UNC5D: variants seen among roughly 807,000 people sequenced by gnomAD.
UNC5D encodes the protein netrin receptor UNC5D.
Under a neutral mutation model 105.4 loss-of-function variants are expected in UNC5D, and 39 were observed. That is an observed-to-expected ratio of 0.37 (90% CI 0.29 to 0.48). The LOEUF (loss-of-function observed/expected upper bound fraction) is 0.48. Among genes scored for constraint, UNC5D ranks in the 20% least tolerant of loss-of-function variants. The pLI, the probability that UNC5D is intolerant of heterozygous loss-of-function variation, is 0.98. For missense variants in UNC5D, 991 were observed against 1,202.4 expected (o/e 0.82, Z 2.60); for synonymous variants, 452 against 450.4 (o/e 1.00, Z -0.04).
chr8:35,344,367 G>A (rs1811660420), intron 1 of UNC5D, among the ~76,000 whole-genome samples: 1 of 151,984 alleles, frequency 6.6e-6, no homozygotes, highest in African/African-American at 2.4e-5. Context: ...ATTCTGCTGG[G>A]AGAGAATTTA....
intron 11 of UNC5D, among the ~76,000 whole-genome samples, chr8:35,744,147 A>G (rs1049555766): frequency 1.3e-5 from 2 of 152,158 alleles, no homozygotes; most frequent in African/African-American, 4.8e-5. Flanking sequence ...GAGCTTGTCT[A>G]ATGGTTCCTT....
intron 1 of UNC5D, among the ~76,000 whole-genome samples, chr8:35,300,888 A>G (rs952263319): frequency 1.3e-5 from 2 of 152,180 alleles, no homozygotes; most frequent in Admixed American, 1.3e-4. Context: ...GTGGTGTTGG[A>G]TTGGGATGAG....
At chr8:35,732,322 T>C (rs1473596690) in intron 11 of UNC5D, among the ~76,000 whole-genome samples, 1 of 152,196 alleles carries the variant, frequency 6.6e-6, no homozygotes, top group African/African-American at 2.4e-5. Flanking sequence ...TGAGGCTGGC[T>C]CTTAGGGGAT....
At position 35,334,923 on chromosome 8, in the gene UNC5D, TTTCC is replaced by T. The variant is rs1487752454; in HGVS notation, c.103+99038_103+99041del. 2.6e-5 allele frequency among the ~76,000 whole-genome samples: 4 copies of T among 152,302 alleles called. No individual in the cohort carries two copies. In the East Asian group the frequency reaches 7.7e-4, roughly 29 times the overall value. ...ATGAACATACGCCTCACCCCAGAACTTTCCTCAAACCCCTGAGTTCCATCCCTAG... is the reference window on the plus strand; with the variant it reads ...ATGAACATACGCCTCACCCCAGAACTTCAAACCCCTGAGTTCCATCCCTAG... On this transcript the variant is annotated intron_variant, in intron 1 of 16. Coordinates refer to ENST00000404895, the MANE Select transcript of UNC5D (RefSeq NM_080872.4).
intron 13 of UNC5D, 71 bp downstream of exon 13, chr8:35,750,880 T>C (rs1830250206): frequency 1.9e-6 from 3 of 1,578,992 alleles, no homozygotes; most frequent in Non-Finnish European, 1.7e-6. Flanking sequence ...TCAGTATCAA[T>C]TGAAAATTTT....
intron 1 of UNC5D, among the ~76,000 whole-genome samples, chr8:35,351,797 A>G (rs527250684): frequency 1.3e-5 from 2 of 152,316 alleles, no homozygotes; most frequent in East Asian, 3.9e-4. Context: ...TTGATAATAA[A>G]TGCAAGGTAA....
chr8:35,672,699 C>T (rs1022758691), intron 4 of UNC5D, among the ~76,000 whole-genome samples: 2 of 152,146 alleles, frequency 1.3e-5, no homozygotes, highest in Non-Finnish European at 1.5e-5. Context: ...GTTTAATGTT[C>T]TTTTCCTCTG....
At chr8:35,525,239 G>A (rs2051790674) in intron 1 of UNC5D, 1 of 1,611,826 alleles carries the variant, frequency 6.2e-7, no homozygotes. Context: ...GTATCTTTTG[G>A]CTTTCCACGT....
intron 1 of UNC5D, among the ~76,000 whole-genome samples, chr8:35,394,099 T>C (rs1249419461): frequency 6.6e-6 from 1 of 152,172 alleles, no homozygotes; most frequent in Non-Finnish European, 1.5e-5. Context: ...GGCAAACCAC[T>C]TAACCTTTCC....
intron 4 of UNC5D, among the ~76,000 whole-genome samples, chr8:35,643,580 A>G (rs1202973801): frequency 1.3e-5 from 2 of 152,124 alleles, no homozygotes; most frequent in Non-Finnish European, 2.9e-5. Context: ...GCGTTCCACC[A>G]TATTAGTCCG....
intron 1 of UNC5D, among the ~76,000 whole-genome samples, chr8:35,295,550 G>A (rs1807418490): frequency 6.6e-6 from 1 of 151,696 alleles, no homozygotes; most frequent in Non-Finnish European, 1.5e-5. Context: ...TGAGATAATT[G>A]GCTCATAAAA....
At chr8:35,374,917 G>A (rs1196003478) in intron 1 of UNC5D, among the ~76,000 whole-genome samples, 11 of 152,130 alleles carry the variant, frequency 7.2e-5, no homozygotes, top group Non-Finnish European at 7.4e-5. Context: ...TCACATAAAC[G>A]AACTTTCTAA....
chr8:35,343,475 T>G (rs1811598262), intron 1 of UNC5D, among the ~76,000 whole-genome samples: 1 of 152,090 alleles, frequency 6.6e-6, no homozygotes, highest in Non-Finnish European at 1.5e-5. Context: ...TTAATTTGGT[T>G]TATTGTTTAT....
intron 1 of UNC5D, among the ~76,000 whole-genome samples, chr8:35,539,203 G>T (rs979395260): frequency 1.3e-5 from 2 of 152,074 alleles, no homozygotes; most frequent in Middle Eastern, 3.2e-3. Context: ...ATACTAGAAT[G>T]AATCATATCA....
At chr8:35,542,678 T>G (rs563877881) in intron 1 of UNC5D, among the ~76,000 whole-genome samples, 2 of 152,348 alleles carry the variant, frequency 1.3e-5, no homozygotes, top group Admixed American at 6.5e-5. Flanking sequence ...CTTCACAGCA[T>G]GTATTCTGAA....
chr8:35,422,954 A>G (rs1001562842), intron 1 of UNC5D, among the ~76,000 whole-genome samples: 5 of 152,180 alleles, frequency 3.3e-5, no homozygotes, highest in Admixed American at 6.5e-5. Flanking sequence ...ATGAAGAAAC[A>G]AAGCCTCCAC....
At chr8:35,304,688 T>C (rs565907477) in intron 1 of UNC5D, among the ~76,000 whole-genome samples, 1 of 152,220 alleles carries the variant, frequency 6.6e-6, no homozygotes, top group South Asian at 2.1e-4. Context: ...CAGTGTTATG[T>C]TTTTCTCTTT....
At chr8:35,442,755 T>A (rs1807490936) in intron 1 of UNC5D, among the ~76,000 whole-genome samples, 2 of 151,920 alleles carry the variant, frequency 1.3e-5, no homozygotes, top group Admixed American at 1.3e-4. Flanking sequence ...GCTGAAGTGT[T>A]TGTTGTAGCT....
At chr8:35,353,157 A>G (rs1477131899) in intron 1 of UNC5D, among the ~76,000 whole-genome samples, 1 of 152,220 alleles carries the variant, frequency 6.6e-6, no homozygotes, top group African/African-American at 2.4e-5. Context: ...TCAAATTCCT[A>G]TTACAGCCAA....
Sources: allele counts gnomAD v4.1 joint callset (sites outside exome capture counted in the v4.1 genomes callset), GRCh38; gene constraint gnomAD v4.1.1; transcripts MANE v1.5; gene names NCBI Gene and HGNC (gene_info 2026-07-23, HGNC 2026-07-21).